Variants in ACYP2 observed in about 807,000 individuals in gnomAD.
ACYP2 encodes the protein acylphosphatase-2.
ACYP2 carries 12 observed loss-of-function variants against 11.2 expected under a neutral mutation model. The observed-to-expected ratio is 1.08, with a 90% CI of 0.69 to 1.74. The LOEUF is 1.74. Among genes scored for constraint, ACYP2 ranks in the 40% most tolerant of loss-of-function variants. ACYP2 has a pLI of 0.00. For missense variants in ACYP2, 134 were observed against 101.9 expected, an observed-to-expected ratio of 1.31 and a Z score of -1.35; for synonymous variants, 43 against 32.2, an observed-to-expected ratio of 1.33 and a Z score of -1.13.
At chr2:54,112,655 T>C (rs1679519163) in intron 4 of ACYP2, among the ~76,000 whole-genome samples, 1 of 152,198 alleles carries the variant, frequency 6.6e-6, no homozygotes, top group African/African-American at 2.4e-5. Flanking sequence ...AAAATATTCA[T>C]TGGAAAGACT....
chr2:54,259,483 A>G (rs1010141219), intron 6 of ACYP2, among the ~76,000 whole-genome samples: 2 of 152,204 alleles, frequency 1.3e-5, no homozygotes, highest in East Asian at 1.9e-4. Context: ...CCAGCAGGGT[A>G]GGAAGGAAAC....
chr2:54,150,219 G>A (rs1167452065), intron 6 of ACYP2, among the ~76,000 whole-genome samples: 4 of 152,204 alleles, frequency 2.6e-5, no homozygotes, highest in East Asian at 3.9e-4. Context: ...CATGGGCAGA[G>A]TGGAGTTGTT....
chr2:54,103,920 G>T (rs894347970), intron 4 of ACYP2, among the ~76,000 whole-genome samples: 6 of 152,144 alleles, frequency 3.9e-5, no homozygotes, highest in Non-Finnish European at 7.4e-5. Context: ...CATGCAGCAG[G>T]CAGAGGAAAT....
intron 6 of ACYP2, among the ~76,000 whole-genome samples, chr2:54,293,391 G>A (rs941021292): frequency 6.6e-6 from 1 of 152,190 alleles, no homozygotes; most frequent in Non-Finnish European, 1.5e-5. Flanking sequence ...TAGGACCTTT[G>A]ATTCAATTAG....
At position 54,050,557 on chromosome 2, in the gene ACYP2, A is replaced by G. The variant is rs553971714; in HGVS notation, c.63-401A>G. ...TGAAACCCCATCCCTGAAAAAAAAA[A>G]AAAAAAAAGAAAATAACTAAAGAAA... On this transcript the variant is annotated intron_variant, in intron 2 of 6. Transcript: ENST00000607452. Among the ~76,000 whole-genome samples, 357 of 151,922 alleles carry G rather than the reference A, an allele frequency of 2.3e-3. 2 individuals are homozygous for G. The highest frequency in any genetic ancestry group is 8.4e-3 in the African/African-American group (347 of 41,478).
At chr2:54,137,527 T>C (rs1681322534) in intron 5 of ACYP2, among the ~76,000 whole-genome samples, 1 of 151,916 alleles carries the variant, frequency 6.6e-6, no homozygotes, top group East Asian at 1.9e-4. Flanking sequence ...CGTGAGAACA[T>C]GCAATATTTG....
At chr2:54,153,493 A>G (rs1572862465) in intron 6 of ACYP2, among the ~76,000 whole-genome samples, 1 of 134,170 alleles carries the variant, frequency 7.5e-6, no homozygotes, top group Non-Finnish European at 1.6e-5. Context: ...GTGTGGTTCT[A>G]TATAAATTTC....
intron 4 of ACYP2, among the ~76,000 whole-genome samples, chr2:54,125,453 A>C (rs1452147022): frequency 6.6e-6 from 1 of 152,218 alleles, no homozygotes; most frequent in Non-Finnish European, 1.5e-5. Flanking sequence ...AAGAGTATTT[A>C]AAATACTAAT....
chr2:54,169,223 G>A (rs1272525203), intron 6 of ACYP2, among the ~76,000 whole-genome samples: 1 of 152,166 alleles, frequency 6.6e-6, no homozygotes, highest in Non-Finnish European at 1.5e-5. Context: ...CATGTGTGGT[G>A]CCATTGGAGT....
At chr2:54,201,608 C>CT (rs551511188) in intron 6 of ACYP2, among the ~76,000 whole-genome samples, 5 of 79,898 alleles carry the variant, frequency 6.3e-5, no homozygotes, top group East Asian at 2.3e-3. Flanking sequence ...TTCTTTCTTT[C>CT]TTTCTTTCTT....
chr2:54,073,769 A>T (rs1323876369), intron 4 of ACYP2, among the ~76,000 whole-genome samples: 1 of 152,260 alleles, frequency 6.6e-6, no homozygotes, highest in Non-Finnish European at 1.5e-5. Flanking sequence ...CAATAAGCAC[A>T]TGAAAAGTTG....
intron 6 of ACYP2, chr2:54,254,927 A>C (rs1207049187): frequency 6.2e-7 from 1 of 1,610,420 alleles, no homozygotes; most frequent in Admixed American, 1.7e-5. Flanking sequence ...GGTTAACCAC[A>C]CTGGAACCCA....
intron 6 of ACYP2, among the ~76,000 whole-genome samples, chr2:54,159,444 G>A (rs1022448262): frequency 1.3e-4 from 19 of 151,040 alleles, no homozygotes; most frequent in Non-Finnish European, 2.4e-4. Flanking sequence ...CTGGGCTCAA[G>A]CAATCCACCT....
intron 2 of ACYP2, among the ~76,000 whole-genome samples, chr2:53,994,106 G>A (rs1211255929): frequency 1.3e-5 from 2 of 152,022 alleles, no homozygotes; most frequent in Non-Finnish European, 1.5e-5. Context: ...CAAGGCGGGC[G>A]GATCCCGAGG....
At chr2:54,116,729 A>C (rs1679826865) in intron 4 of ACYP2, among the ~76,000 whole-genome samples, 1 of 152,154 alleles carries the variant, frequency 6.6e-6, no homozygotes, top group Non-Finnish European at 1.5e-5. Flanking sequence ...TCGCGGATGA[A>C]GCAATGGCAA....
At chr2:54,241,415 C>T (rs1452051761) in intron 6 of ACYP2, among the ~76,000 whole-genome samples, 2 of 152,128 alleles carry the variant, frequency 1.3e-5, no homozygotes, top group African/African-American at 4.8e-5. Flanking sequence ...CACTCAGGTG[C>T]TCAGGAGGTA....
chr2:54,152,651 TA>T (rs1167939636), intron 6 of ACYP2, among the ~76,000 whole-genome samples: 6 of 152,230 alleles, frequency 3.9e-5, no homozygotes, highest in African/African-American at 7.2e-5. Context: ...TAATATAGTA[TA>T]TATTTTCACA....
chr2:54,288,214 G>A (rs544663849), intron 6 of ACYP2, among the ~76,000 whole-genome samples: 1 of 152,082 alleles, frequency 6.6e-6, no homozygotes, highest in South Asian at 2.1e-4. Context: ...TAAGTGATAA[G>A]CTTTCCCTTT....
chr2:54,272,599 A>T (rs1688358291), intron 6 of ACYP2, among the ~76,000 whole-genome samples: 1 of 152,230 alleles, frequency 6.6e-6, no homozygotes, highest in Non-Finnish European at 1.5e-5. Context: ...CTTCACGACC[A>T]GTGGTCTTTC....
Sources: gnomAD v4.1 joint callset for allele counts (sites outside exome capture counted in the v4.1 genomes callset) on GRCh38, gnomAD v4.1.1 for gene constraint, MANE v1.5 for transcripts, NCBI Gene and HGNC (gene_info 2026-07-23, HGNC 2026-07-21) for gene names.